PRKAG2: variants seen among roughly 807,000 people sequenced by gnomAD.
PRKAG2 encodes the protein 5'-AMP-activated protein kinase subunit gamma-2.
In PRKAG2, 26 loss-of-function variants were observed where a neutral mutation model predicts 69.6. That is an observed-to-expected ratio of 0.37 (90% CI 0.27 to 0.52). The LOEUF (loss-of-function observed/expected upper bound fraction) is 0.52, where lower values mean the gene tolerates loss of function less well. PRKAG2 is among the 20% of genes least tolerant of loss of function. The pLI is 0.90. For missense variants in PRKAG2, 557 were observed against 740.0 expected (o/e 0.75, Z 2.87); for synonymous variants, 293 against 285.0 (o/e 1.03, Z -0.28).
At chr7:151,585,547 C>T (rs974183776) in intron 6 of PRKAG2, among the ~76,000 whole-genome samples, 2 of 152,152 alleles carry the variant, frequency 1.3e-5, no homozygotes, top group African/African-American at 2.4e-5. Flanking sequence ...GTTCTCAGCC[C>T]GTTTTCATCT....
chr7:151,563,567 A>T (rs1805562423), intron 14 of PRKAG2, among the ~76,000 whole-genome samples: 1 of 152,234 alleles, frequency 6.6e-6, no homozygotes, highest in African/African-American at 2.4e-5. Context: ...AACAAAATGT[A>T]TCCATAGATA....
intron 4 of PRKAG2, among the ~76,000 whole-genome samples, chr7:151,635,230 C>T (rs576051677): frequency 2.9e-4 from 44 of 152,266 alleles, no homozygotes; most frequent in African/African-American, 4.3e-4. Context: ...GGATTACAGG[C>T]GTGAGCCACT....
At position 151,807,241 on chromosome 7, in the gene PRKAG2, G is replaced by A; in HGVS notation, c.115-20700C>T. The stretch of plus-strand genomic sequence containing the variant: ...TATATGTAAATCACACCTCAATAAA[G>A]CTGACCAAAAAGTGGCCAGTCAGCC... On this transcript the variant is annotated intron_variant, in intron 1 of 15. Transcript: ENST00000287878. This position sits in a 1 kb window ranked among gnomAD's most constrained non-coding sequence, Gnocchi z 4.4. 1 of 374,344 alleles carries A rather than the reference G, an allele frequency of 2.7e-6. No homozygotes were observed. The highest frequency in any genetic ancestry group is 5.3e-6 in the Non-Finnish European group (1 of 187,748). The allele number at this position is 374,344 out of a possible 1,614,324, so 23.2% of individuals were successfully genotyped here. A position where few individuals can be genotyped will look rare whatever the true frequency, so the allele number is the denominator to read the frequency against.
At chr7:151,686,352 T>A (rs1333360209) in intron 3 of PRKAG2, among the ~76,000 whole-genome samples, 1 of 152,178 alleles carries the variant, frequency 6.6e-6, no homozygotes. Context: ...TTCTTTATGG[T>A]CATGTGGTCC....
At position 151,873,990 on chromosome 7, in the gene PRKAG2, T is replaced by A. The variant is rs565900196; in HGVS notation, c.114+2517A>T. Among the ~76,000 whole-genome samples the A allele has an allele frequency of 4.5e-4, 68 of 149,894 alleles. 2 individuals carry two copies. The highest frequency in any genetic ancestry group is 1.5e-3 in the African/African-American group (60 of 40,154). ...TATATGTATATGATGTATATGTATA[T>A]GTATATGATGTATATGTATAAGTAT... On this transcript the variant is annotated intron_variant, in intron 1 of 15. Coordinates refer to ENST00000287878, the MANE Select transcript of PRKAG2 (RefSeq NM_016203.4).
At chr7:151,569,254 C>T (rs1195397665) in intron 10 of PRKAG2, among the ~76,000 whole-genome samples, 1 of 152,242 alleles carries the variant, frequency 6.6e-6, no homozygotes, top group Admixed American at 6.5e-5. Context: ...AGGCTGCTCT[C>T]GAACTCCTGA....
Position 151,850,522 on chromosome 7 carries a change from T to C in PRKAG2, c.114+25985A>G, listed in dbSNP as rs1304735218. On this transcript the variant is annotated intron_variant, in intron 1 of 15. Coordinates refer to ENST00000287878, the MANE Select transcript of PRKAG2 (RefSeq NM_016203.4). The surrounding 1 kb of genome is among the most constrained non-coding windows in gnomAD (Gnocchi z 4.1). Reference sequence around the variant, plus strand: ...GGCAAACCGAGGTTCAGAGATGGCATTGGCCATGCTCATCAAAGCAGCCCA... The same window carrying C: ...GGCAAACCGAGGTTCAGAGATGGCACTGGCCATGCTCATCAAAGCAGCCCA... 2.0e-5 allele frequency among the ~76,000 whole-genome samples: 3 copies of C among 152,240 alleles called. No individual in the cohort carries two copies. Among genetic ancestry groups the C allele is most frequent in the African/African-American group, 7.2e-5 (3 of 41,450 alleles).
intron 1 of PRKAG2, among the ~76,000 whole-genome samples, chr7:151,794,498 C>T (rs1298774855): frequency 6.6e-6 from 1 of 152,242 alleles, no homozygotes; most frequent in African/African-American, 2.4e-5. Context: ...GGTGTGAGCC[C>T]CCGTGGCACT....
At chr7:151,787,671 T>G (rs1374107504) in intron 1 of PRKAG2, among the ~76,000 whole-genome samples, 1 of 152,118 alleles carries the variant, frequency 6.6e-6, no homozygotes, top group Non-Finnish European at 1.5e-5. Flanking sequence ...TGTTATGGTA[T>G]GAATTGTGTC....
At chr7:151,817,480 G>A (rs903411709) in intron 1 of PRKAG2, among the ~76,000 whole-genome samples, 5 of 152,054 alleles carry the variant, frequency 3.3e-5, no homozygotes, top group African/African-American at 1.2e-4. Flanking sequence ...GGGCTGCCAG[G>A]CCCACAGGAG....
At chr7:151,722,012 G>A (rs1367374239) in intron 3 of PRKAG2, among the ~76,000 whole-genome samples, 2 of 152,134 alleles carry the variant, frequency 1.3e-5, no homozygotes, top group East Asian at 1.9e-4. Flanking sequence ...TTCCTCAAGC[G>A]TGGCTGTGGC....
chr7:151,657,872 T>C (rs1394074328), intron 4 of PRKAG2, among the ~76,000 whole-genome samples: 1 of 152,188 alleles, frequency 6.6e-6, no homozygotes, highest in Non-Finnish European at 1.5e-5. Context: ...TAAAGAATGA[T>C]GGAGGGCAGG....
At chr7:151,767,206 C>T (rs2075780606) in intron 3 of PRKAG2, among the ~76,000 whole-genome samples, 1 of 152,232 alleles carries the variant, frequency 6.6e-6, no homozygotes, top group Admixed American at 6.5e-5. Flanking sequence ...ACGCATGGAA[C>T]AGACCCCCTC....
At chr7:151,801,193 C>T (rs1027794331) in intron 1 of PRKAG2, among the ~76,000 whole-genome samples, 10 of 152,182 alleles carry the variant, frequency 6.6e-5, no homozygotes, top group Non-Finnish European at 1.2e-4. Context: ...CCTGTATCCA[C>T]GGCTCCAGGT....
At chr7:151,791,406 A>G (rs949755043) in intron 1 of PRKAG2, among the ~76,000 whole-genome samples, 21 of 152,072 alleles carry the variant, frequency 1.4e-4, no homozygotes, top group African/African-American at 4.6e-4. Flanking sequence ...GGCCTTCCCC[A>G]CCACTGGTCT....
In PRKAG2 at chr7:151,780,279, C is replaced by T. The variant is rs1320771668; in HGVS notation, c.466+873G>A. 6.6e-6 allele frequency among the ~76,000 whole-genome samples: 1 copy of T among 152,212 alleles called. No individual in the cohort carries two copies. Among genetic ancestry groups the T allele is most frequent in the Non-Finnish European group, 1.5e-5 (1 of 68,038 alleles). On this transcript the variant is annotated intron_variant, in intron 3 of 15. Coordinates refer to ENST00000287878, the MANE Select transcript of PRKAG2 (RefSeq NM_016203.4). The surrounding 1 kb of genome is among the most constrained non-coding windows in gnomAD (Gnocchi z 4.2). ...AAATTCCCCTCTTGCTGCCGCCTGG[C>T]CTTGCAGATATAAAGCGTTGCTCTA...
intron 6 of PRKAG2, among the ~76,000 whole-genome samples, chr7:151,578,655 G>A (rs922648847): frequency 1.3e-5 from 2 of 152,212 alleles, no homozygotes; most frequent in African/African-American, 4.8e-5. Flanking sequence ...ATGACTACAA[G>A]AGAATGACGA....
intron 1 of PRKAG2, among the ~76,000 whole-genome samples, chr7:151,808,302 G>A (rs2078225854): frequency 6.6e-6 from 1 of 152,112 alleles, no homozygotes; most frequent in African/African-American, 2.4e-5. Flanking sequence ...AAAATACTCT[G>A]GATTCTTTTT....
intron 15 of PRKAG2, chr7:151,557,606 A>T (rs2150959349): frequency 1.0e-6 from 1 of 978,838 alleles, no homozygotes; most frequent in African/African-American, 1.7e-5. Flanking sequence ...GCGGTGGCTC[A>T]CATCTGTAAT....
Sources: gnomAD v4.1 joint callset for allele counts (sites outside exome capture counted in the v4.1 genomes callset) on GRCh38, gnomAD v4.1.1 for gene constraint, Gnocchi (gnomAD v3.1) non-coding constraint, MANE v1.5 for transcripts, NCBI Gene and HGNC (gene_info 2026-07-23, HGNC 2026-07-21) for gene names.